Variants in GRM5 observed in about 807,000 individuals in gnomAD.
GRM5 encodes glutamate metabotropic receptor 5.
In GRM5, 19 loss-of-function variants were observed where a neutral mutation model predicts 83.1. The ratio of observed to expected loss-of-function variants is 0.23; its 90% CI spans 0.16 to 0.34. The LOEUF (loss-of-function observed/expected upper bound fraction) is 0.34, where lower values mean the gene tolerates loss of function less well. Ranked by LOEUF, GRM5 falls within the 10% of genes least tolerant of loss-of-function variation. The pLI is 1.00. For missense variants in GRM5, 1,160 were observed against 1,588.3 expected (o/e 0.73, Z 4.58); for synonymous variants, 675 against 633.6 (o/e 1.07, Z -0.98).
chr11:88,893,078 AG>A (rs1342177399), intron 2 of GRM5, among the ~76,000 whole-genome samples: 1 of 151,818 alleles, frequency 6.6e-6, no homozygotes, highest in Non-Finnish European at 1.5e-5. Context: ...AATATCAGAC[AG>A]AGAGTTTCCA....
chr11:88,977,365 A>G (rs1363999271), intron 2 of GRM5, among the ~76,000 whole-genome samples: 1 of 151,958 alleles, frequency 6.6e-6, no homozygotes, highest in African/African-American at 2.4e-5. Context: ...GGCGCCCGCC[A>G]CCACACCCAG....
chr11:88,609,232 T>C (rs983684919), intron 4 of GRM5, among the ~76,000 whole-genome samples: 3 of 152,316 alleles, frequency 2.0e-5, no homozygotes, highest in East Asian at 3.9e-4. Flanking sequence ...CACTTATAAA[T>C]GAGAACATGT....
At chr11:88,615,507 CA>C (rs1938451974) in intron 4 of GRM5, among the ~76,000 whole-genome samples, 1 of 152,118 alleles carries the variant, frequency 6.6e-6, no homozygotes, top group Admixed American at 6.6e-5. Context: ...GAGAAGGAAG[CA>C]CATGGCTGAC....
rs544268447 is a variant in GRM5 at position 88,543,974 on chromosome 11, G to C, written c.2631-18570C>G. Among the ~76,000 whole-genome samples, 3 of 152,196 alleles carry C rather than the reference G, an allele frequency of 2.0e-5. No homozygotes were observed. The South Asian group carries it at 6.2e-4, about 32-fold the overall frequency. The stretch of plus-strand genomic sequence containing the variant: ...TTGTGAGGGCTCTGCCCTCACGAAT[G>C]GATTAATGTTGTTATCATGGGAGTG... On this transcript the variant is annotated intron_variant, in intron 8 of 9. Transcript: ENST00000305447.
intron 2 of GRM5, among the ~76,000 whole-genome samples, chr11:88,862,184 A>G (rs1944576945): frequency 6.6e-6 from 1 of 152,316 alleles, no homozygotes; most frequent in Middle Eastern, 3.4e-3. Context: ...ACAGTGATTG[A>G]AAATCTATTT....
intron 2 of GRM5, among the ~76,000 whole-genome samples, chr11:88,898,939 A>C (rs1945275440): frequency 6.6e-6 from 1 of 152,004 alleles, no homozygotes; most frequent in South Asian, 2.1e-4. Flanking sequence ...ACAGCTTACC[A>C]AAAATGCCCT....
rs114140788 is a variant in GRM5, at chr11:88,885,065, T to A, written c.662-34910A>T. Among the ~76,000 whole-genome samples the A allele has an allele frequency of 4.0e-3, 603 of 152,158 alleles. 14 individuals are homozygous for A. The highest frequency in any genetic ancestry group is 0.014 in the African/African-American group (581 of 41,552). ...TAAGATCTGAAAAGAAGCCATTTTT[T>A]AAAATAATATTTTATTTATATATGT... On this transcript the variant is annotated intron_variant, in intron 2 of 9. Coordinates refer to ENST00000305447, the MANE Select transcript of GRM5 (RefSeq NM_001143831.3).
chr11:88,813,367 A>G (rs1276596548), intron 3 of GRM5, among the ~76,000 whole-genome samples: 1 of 152,180 alleles, frequency 6.6e-6, no homozygotes, highest in Non-Finnish European at 1.5e-5. Flanking sequence ...TAGTTCTCTC[A>G]CTAGGTTTGC....
intron 2 of GRM5, among the ~76,000 whole-genome samples, chr11:89,003,718 A>G (rs927704944): frequency 5.3e-5 from 8 of 152,200 alleles, no homozygotes; most frequent in Admixed American, 6.5e-5. Context: ...TAAATTGATG[A>G]ATAAAATGTA....
chr11:88,914,424 C>T (rs914033490), intron 2 of GRM5, among the ~76,000 whole-genome samples: 3 of 152,130 alleles, frequency 2.0e-5, no homozygotes, highest in African/African-American at 7.2e-5. Flanking sequence ...AAGATATAAA[C>T]CAGAGGCCTC....
chr11:88,727,445 T>G (rs1941709225), intron 3 of GRM5, among the ~76,000 whole-genome samples: 1 of 152,124 alleles, frequency 6.6e-6, no homozygotes, highest in Non-Finnish European at 1.5e-5. Context: ...GTGGAAGACT[T>G]TAACACTGCA....
At chr11:89,028,044 C>T (rs1840108834) in intron 2 of GRM5, among the ~76,000 whole-genome samples, 1 of 152,182 alleles carries the variant, frequency 6.6e-6, no homozygotes, top group South Asian at 2.1e-4. Flanking sequence ...GACAACACAG[C>T]ATTCAAGGCA....
intron 2 of GRM5, among the ~76,000 whole-genome samples, chr11:88,936,509 A>G (rs1937899691): frequency 6.6e-6 from 1 of 151,896 alleles, no homozygotes; most frequent in South Asian, 2.1e-4. Context: ...TACTATGTCA[A>G]ATAAAGAAAA....
At chr11:88,646,268 T>C (rs1939442626) in intron 4 of GRM5, among the ~76,000 whole-genome samples, 1 of 152,084 alleles carries the variant, frequency 6.6e-6, no homozygotes, top group South Asian at 2.1e-4. Flanking sequence ...TACTGTTAAA[T>C]ATACTATTAG....
At chr11:88,593,167 T>C (rs1012572442) in intron 6 of GRM5, among the ~76,000 whole-genome samples, 20 of 152,176 alleles carry the variant, frequency 1.3e-4, no homozygotes, top group African/African-American at 1.2e-4. Flanking sequence ...TCTGAAACTT[T>C]ACTAGACTAA....
chr11:88,636,159 C>G lies in GRM5; in HGVS notation c.1147+17009G>C, dbSNP rs755648767. ...CTTGACTTATTTCACTGACTAGAAC[C>G]TATAGAATTGAAAGCCAACCTCCTT... On this transcript the variant is annotated intron_variant, in intron 4 of 9. Coordinates refer to ENST00000305447, the MANE Select transcript of GRM5 (RefSeq NM_001143831.3). Among the ~76,000 whole-genome samples, 17 of 152,236 alleles carry G rather than the reference C, an allele frequency of 1.1e-4. No homozygotes were observed. In the Middle Eastern group the frequency reaches 0.01, roughly 91 times the overall value.
intron 4 of GRM5, among the ~76,000 whole-genome samples, chr11:88,627,027 A>C (rs1938817227): frequency 6.6e-6 from 1 of 152,244 alleles, no homozygotes; most frequent in East Asian, 1.9e-4. Context: ...ATGGCAGCCC[A>C]AGCTGACTTA....
At position 89,047,414 on chromosome 11, in the gene GRM5, A is replaced by G. The variant is rs1167219561; in HGVS notation, c.459T>C (p.Ser153=). The change falls in exon 2 of 10, where the codon TCT becomes TCC. Residue 153 remains serine, a synonymous_variant. Transcript: ENST00000305447. This position sits in a 1 kb window ranked among gnomAD's most constrained non-coding sequence, Gnocchi z 5.1. Reference sequence around the variant, plus strand: ...GCAAATTCTGGACCTGAATGGCTACAGAACTGGAGCCAGGCCCAATGACCC... The same window carrying G: ...GCAAATTCTGGACCTGAATGGCTACGGAACTGGAGCCAGGCCCAATGACCC... ...IVGVIGPGSS[S]VAIQVQNLLQ... is the part of the protein sequence containing the mutation. 1 of 1,614,042 alleles carries G rather than the reference A, an allele frequency of 6.2e-7. No homozygotes were observed. Among genetic ancestry groups the G allele is most frequent in the African/African-American group, 1.3e-5 (1 of 74,946 alleles).
chr11:88,588,899 G>A lies in GRM5; in HGVS notation c.1690+1702C>T, dbSNP rs554607561. The stretch of plus-strand genomic sequence containing the variant: ...GGCAACAAGTGACACAGGAAGCATT[G>A]CTGTTTTTCCACCTCAATTTCTCAA... On this transcript the variant is annotated intron_variant, in intron 7 of 9. Coordinates refer to ENST00000305447, the MANE Select transcript of GRM5 (RefSeq NM_001143831.3). 3.7e-4 allele frequency among the ~76,000 whole-genome samples: 56 copies of A among 152,202 alleles called. 1 individual carries two copies. Among genetic ancestry groups the A allele is most frequent in the Non-Finnish European group, 1.0e-4 (7 of 67,980 alleles).
Sources: gnomAD v4.1 joint callset for allele counts (sites outside exome capture counted in the v4.1 genomes callset) on GRCh38, gnomAD v4.1.1 for gene constraint, Gnocchi (gnomAD v3.1) non-coding constraint, MANE v1.5 for transcripts, NCBI Gene and HGNC (gene_info 2026-07-23, HGNC 2026-07-21) for gene names.